IKZF1: variants seen among roughly 807,000 people sequenced by gnomAD.
IKZF1 encodes DNA-binding protein Ikaros.
A neutral mutation model predicts 51.7 loss-of-function variants in IKZF1; 10 were observed. The observed-to-expected ratio is 0.19, with a 90% CI of 0.12 to 0.33. The LOEUF is 0.33. IKZF1 is among the 10% of genes least tolerant of loss of function. The pLI is 1.00. For missense variants in IKZF1, 484 were observed against 707.5 expected, an observed-to-expected ratio of 0.68 and a Z score of 3.58; for synonymous variants, 280 against 282.3, an observed-to-expected ratio of 0.99 and a Z score of 0.08.
chr7:50,314,079 G>A (rs1790863901), intron 1 of IKZF1, among the ~76,000 whole-genome samples: 1 of 152,188 alleles, frequency 6.6e-6, no homozygotes, highest in Non-Finnish European at 1.5e-5. Flanking sequence ...GAAAGACATT[G>A]TAAGGCAGTT....
upstream of IKZF1, among the ~76,000 whole-genome samples, chr7:50,303,490 G>A (rs1319729191): frequency 6.6e-6 from 1 of 152,216 alleles, no homozygotes; most frequent in African/African-American, 2.4e-5. This position sits in a 1 kb window ranked among gnomAD's most constrained non-coding sequence, Gnocchi z 4.7. Flanking sequence ...AACATGGAAG[G>A]CGCCATCCTA....
chr7:50,400,676 A>C lies in IKZF1; in HGVS notation c.*49A>C, dbSNP rs768696901. The C allele has an allele frequency of 5.1e-5, 79 of 1,556,912 alleles. No individual in the cohort carries two copies. The highest frequency in any genetic ancestry group is 6.5e-5 in the Non-Finnish European group (75 of 1,157,408). The stretch of plus-strand genomic sequence containing the variant: ...GACCCCGAGCCACCCCAGGAAAAGC[A>C]CAAGGACTGCCGCCTTCTCGCTCCC... On this transcript the variant is annotated 3_prime_UTR_variant, in exon 8 of 8. Transcript: ENST00000331340. The surrounding 1 kb of genome is among the most constrained non-coding windows in gnomAD (Gnocchi z 5.4).
intron 1 of IKZF1, among the ~76,000 whole-genome samples, chr7:50,318,248 C>T (rs115940182): frequency 0.028 from 4,203 of 152,142 alleles, 215 homozygotes; most frequent in African/African-American, 0.095. Context: ...CTCTGTGGAA[C>T]ATTCACTATG....
intron 3 of IKZF1, among the ~76,000 whole-genome samples, chr7:50,363,346 G>C (rs1202414387): frequency 6.6e-6 from 1 of 152,158 alleles, no homozygotes; most frequent in Non-Finnish European, 1.5e-5. Flanking sequence ...AGCAGTGTAA[G>C]ACATCATGGC....
At chr7:50,315,544 A>T (rs759375888) in intron 1 of IKZF1, among the ~76,000 whole-genome samples, 5 of 152,270 alleles carry the variant, frequency 3.3e-5, no homozygotes, top group East Asian at 3.8e-4. Context: ...ATTCATGTTC[A>T]TAAGAATTGC....
chr7:50,375,350 G>A (rs554001821), intron 3 of IKZF1, among the ~76,000 whole-genome samples: 2 of 152,268 alleles, frequency 1.3e-5, no homozygotes, highest in East Asian at 1.9e-4. Context: ...CTTGAGCCCG[G>A]GAGACAGAGC....
chr7:50,386,409 A>G (rs1164285083), intron 5 of IKZF1, among the ~76,000 whole-genome samples: 1 of 152,232 alleles, frequency 6.6e-6, no homozygotes, highest in Non-Finnish European at 1.5e-5. Flanking sequence ...TCCAACAGCT[A>G]CATATGGCTG....
intron 2 of IKZF1, among the ~76,000 whole-genome samples, chr7:50,320,947 G>A (rs752618970): frequency 5.3e-5 from 8 of 152,196 alleles, no homozygotes; most frequent in Non-Finnish European, 8.8e-5. Flanking sequence ...TAAAAATAAG[G>A]AGGATATGAA....
chr7:50,376,828 G>C lies in IKZF1; in HGVS notation c.421+35G>C. The C allele has an allele frequency of 1.2e-6, 2 of 1,609,078 alleles. No individual in the cohort carries two copies. Among genetic ancestry groups the C allele is most frequent in the Non-Finnish European group, 1.7e-6 (2 of 1,176,374 alleles). On this transcript the variant is annotated intron_variant, in intron 4 of 7. Coordinates refer to ENST00000331340, the MANE Select transcript of IKZF1 (RefSeq NM_006060.6). The surrounding 1 kb of genome is among the most constrained non-coding windows in gnomAD (Gnocchi z 4.5). ...GGCTCAGTTTTTCCTTTAGTGGCCT[G>C]GAGAAGGTGCATGGGGTTTGAAGGA...
At chr7:50,339,215 T>TGTGTGTGTGTG (rs1554339869) in intron 3 of IKZF1, among the ~76,000 whole-genome samples, 1 of 126,404 alleles carries the variant, frequency 7.9e-6, no homozygotes, top group Non-Finnish European at 1.6e-5. Context: ...TTGGGTAGGG[T>TGTGTGTGTGTG]TGTGTGTGTG....
At chr7:50,334,552 G>T (rs1194682999) in intron 3 of IKZF1, among the ~76,000 whole-genome samples, 2 of 150,680 alleles carry the variant, frequency 1.3e-5, no homozygotes, top group African/African-American at 2.4e-5. Flanking sequence ...TGTATGCTGT[G>T]TATATGTATA....
At chr7:50,356,061 G>T (rs1389505967) in intron 3 of IKZF1, among the ~76,000 whole-genome samples, 1 of 152,184 alleles carries the variant, frequency 6.6e-6, no homozygotes, top group Non-Finnish European at 1.5e-5. Context: ...TCAGTTTCAG[G>T]CTTTTCTCTC....
rs1810400364 is a variant in IKZF1 at position 50,376,777 on chromosome 7, C to T, written c.405C>T (p.His135=). ...TCGGGCCCAATGTGCTCATGGTTCA[C>T]AAAAGAAGCCACACTGGTAAGGCCT... The part of the protein sequence containing the change: ...ICIGPNVLMV[H]KRSHTGERPF... Residue 135 remains histidine, a synonymous_variant, in exon 4 of 8, where the codon CAC becomes CAT. Transcript: ENST00000331340. The surrounding 1 kb of genome is among the most constrained non-coding windows in gnomAD (Gnocchi z 4.5). 6.2e-7 allele frequency: 1 copy of T among 1,613,934 alleles called. No individual in the cohort carries two copies. The highest frequency in any genetic ancestry group is 8.5e-7 in the Non-Finnish European group (1 of 1,179,852).
chr7:50,387,058 A>G (rs1177602861), intron 5 of IKZF1, among the ~76,000 whole-genome samples: 2 of 152,260 alleles, frequency 1.3e-5, no homozygotes, highest in Admixed American at 1.3e-4. Flanking sequence ...CGTTTTCTCC[A>G]GTTAAAGGCT....
chr7:50,308,461 C>T (rs1789343553), intron 1 of IKZF1, among the ~76,000 whole-genome samples: 1 of 152,238 alleles, frequency 6.6e-6, no homozygotes, highest in Non-Finnish European at 1.5e-5. Context: ...TTTGTCTTGC[C>T]TGTTAACAGG....
At chr7:50,370,248 C>G (rs1808259059) in intron 3 of IKZF1, among the ~76,000 whole-genome samples, 1 of 152,178 alleles carries the variant, frequency 6.6e-6, no homozygotes. Context: ...CAAACATTTA[C>G]TTTTTCAGTA....
chr7:50,336,650 C>T (rs894997424), intron 3 of IKZF1, among the ~76,000 whole-genome samples: 75 of 152,304 alleles, frequency 4.9e-4, no homozygotes, highest in Middle Eastern at 3.4e-3. Context: ...ATCTCAGCAG[C>T]CCCGTGGTGT....
At chr7:50,387,577 C>T (rs1161857674) in intron 6 of IKZF1, 107 bp downstream of exon 6, 1 of 1,389,926 alleles carries the variant, frequency 7.2e-7, no homozygotes, top group Non-Finnish European at 9.4e-7. Flanking sequence ...GGGCCTGCTT[C>T]CTGCCGGGGC....
intron 3 of IKZF1, chr7:50,369,254 G>T: frequency 2.8e-6 from 1 of 353,394 alleles, no homozygotes; most frequent in Non-Finnish European, 5.0e-6. Flanking sequence ...ATTTTGAGAA[G>T]TCAAATGCAC....
Sources: allele counts gnomAD v4.1 joint callset (sites outside exome capture counted in the v4.1 genomes callset), GRCh38; gene constraint gnomAD v4.1.1; non-coding constraint Gnocchi (gnomAD v3.1); transcripts MANE v1.5; gene names NCBI Gene and HGNC (gene_info 2026-07-23, HGNC 2026-07-21).